The following PEMT variants were observed in gnomAD, a reference collection of about 807,000 sequenced individuals.
The protein encoded by PEMT is phosphatidylethanolamine N-methyltransferase.
A neutral mutation model predicts 27.4 loss-of-function variants in PEMT; 23 were observed. The ratio of observed to expected loss-of-function variants is 0.84; its 90% CI spans 0.60 to 1.19. The LOEUF is 1.19. PEMT is among the 50% of genes most tolerant of loss of function. PEMT has a pLI of 0.00. For synonymous variants in PEMT, 137 were observed against 139.1 expected, an observed-to-expected ratio of 0.98 and a Z score of 0.11; for missense variants, 307 against 310.1, an observed-to-expected ratio of 0.99 and a Z score of 0.07.
In PEMT at chr17:17,551,973, C is replaced by T. The variant is rs896868335; in HGVS notation, c.204+24947G>A. 2.6e-5 allele frequency among the ~76,000 whole-genome samples: 4 copies of T among 152,184 alleles called. No homozygotes were observed. In the South Asian group the frequency reaches 6.2e-4, roughly 24 times the overall value. On this transcript the variant is annotated intron_variant, in intron 2 of 6. Transcript: ENST00000255389. ...ATCCTTGCACTTTGGGAGGCCGAGG[C>T]GGGCAGATCACCTAGGTCAGGGGTT...
In PEMT at chr17:17,582,357, G is replaced by A. The variant is rs115875936; in HGVS notation, c.97-5330C>T. ...TCAGCTGTTAACACCCCAAAGCATG[G>A]GTAAGGAAGAGGCTTTATGGTAATT... On this transcript the variant is annotated intron_variant, in intron 1 of 6. Coordinates refer to ENST00000255389, the MANE Select transcript of PEMT (RefSeq NM_148172.3). The surrounding 1 kb of genome is among the most constrained non-coding windows in gnomAD (Gnocchi z 4.9). 2.0e-3 allele frequency: 2,020 copies of A among 985,454 alleles called. 36 individuals are homozygous for A. The African/African-American group carries it at 0.03, about 15-fold the overall frequency. 61.0% of individuals were successfully genotyped at this position (985,454 alleles called of 1,614,324 possible).
chr17:17,565,527 G>A lies in PEMT; in HGVS notation c.204+11393C>T, dbSNP rs530308350. ...GCCCACCTAAGTCTCACTGTGCCAC[G>A]CCTGGCAGGAAATGGGGAGGGCGGG... On this transcript the variant is annotated intron_variant, in intron 2 of 6. Transcript: ENST00000255389. Among the ~76,000 whole-genome samples, 8 of 152,342 alleles carry A rather than the reference G, an allele frequency of 5.3e-5. No homozygotes were observed. The East Asian group carries it at 1.2e-3, about 22-fold the overall frequency.
In PEMT at chr17:17,561,563, C is replaced by T. The variant is rs1165503217; in HGVS notation, c.204+15357G>A. 2.0e-5 allele frequency among the ~76,000 whole-genome samples: 3 copies of T among 152,180 alleles called. No individual in the cohort carries two copies. Among genetic ancestry groups the T allele is most frequent in the East Asian group, 3.9e-4 (2 of 5,186 alleles). ...ACGAGGGTCACTGACGCTGAGCTGG[C>T]TCCAGGCACCACCCACTCCAGGCAC... On this transcript the variant is annotated intron_variant, in intron 2 of 6. Coordinates refer to ENST00000255389, the MANE Select transcript of PEMT (RefSeq NM_148172.3). This position sits in a 1 kb window ranked among gnomAD's most constrained non-coding sequence, Gnocchi z 4.5.
In PEMT at chr17:17,582,320, C is replaced by T. The variant is rs1230491719; in HGVS notation, c.97-5293G>A. 1.7e-5 allele frequency: 17 copies of T among 985,432 alleles called. No individual in the cohort carries two copies. The highest frequency in any genetic ancestry group is 1.8e-5 in the Non-Finnish European group (15 of 829,978). The allele number at this position is 985,432 out of a possible 1,614,324, so 61.0% of individuals were successfully genotyped here. A position where few individuals can be genotyped will look rare whatever the true frequency, so the allele number is the denominator to read the frequency against. On this transcript the variant is annotated intron_variant, in intron 1 of 6. Coordinates refer to ENST00000255389, the MANE Select transcript of PEMT (RefSeq NM_148172.3). The surrounding 1 kb of genome is among the most constrained non-coding windows in gnomAD (Gnocchi z 4.9). Reference sequence around the variant, plus strand: ...GAATAGCTCGAGTCCCACAGGTCACCGACGAATAGCCTCAGCTGTTAACAC... The same window carrying T: ...GAATAGCTCGAGTCCCACAGGTCACTGACGAATAGCCTCAGCTGTTAACAC...
intron 1 of PEMT, among the ~76,000 whole-genome samples, chr17:17,583,600 TC>T (rs1157855465): frequency 3.3e-5 from 5 of 152,104 alleles, no homozygotes; most frequent in Non-Finnish European, 5.9e-5. Flanking sequence ...AGCCCAGGTT[TC>T]CCTTGAGTGG....
At position 17,561,178 on chromosome 17, in the gene PEMT, C is replaced by T. The variant is rs773009415; in HGVS notation, c.204+15742G>A. On this transcript the variant is annotated intron_variant, in intron 2 of 6. Coordinates refer to ENST00000255389, the MANE Select transcript of PEMT (RefSeq NM_148172.3). The surrounding 1 kb of genome is among the most constrained non-coding windows in gnomAD (Gnocchi z 4.5). The stretch of plus-strand genomic sequence containing the variant: ...CCGTGGGGCAGGGCCCAGAGGACAA[C>T]AGCCACTCCCAGCTCACATTTTTCA... Among the ~76,000 whole-genome samples, 4 of 152,162 alleles carry T rather than the reference C, an allele frequency of 2.6e-5. No homozygotes were observed. The highest frequency in any genetic ancestry group is 5.9e-5 in the Non-Finnish European group (4 of 68,026).
chr17:17,516,220 C>A (rs1007836236), intron 3 of PEMT, among the ~76,000 whole-genome samples: 11 of 152,180 alleles, frequency 7.2e-5, no homozygotes, highest in African/African-American at 2.7e-4. Flanking sequence ...CTCAGCTACA[C>A]GACGCTAGCC....
intron 2 of PEMT, among the ~76,000 whole-genome samples, chr17:17,535,851 G>C (rs1048735228): frequency 1.9e-4 from 29 of 152,328 alleles, no homozygotes; most frequent in Non-Finnish European, 3.5e-4. Context: ...AAAATAAAAA[G>C]TTAGAAGGCA....
At position 17,581,308 on chromosome 17, in the gene PEMT, C is replaced by T. The variant is rs146976791; in HGVS notation, c.97-4281G>A. ...AGAAAACACAGGACCTGTCAGTGAG[C>T]GCAGACCTATCTCTGGCCATACTCT... On this transcript the variant is annotated intron_variant, in intron 1 of 6. Coordinates refer to ENST00000255389, the MANE Select transcript of PEMT (RefSeq NM_148172.3). Among the ~76,000 whole-genome samples, 1,067 of 152,218 alleles carry T rather than the reference C, an allele frequency of 7.0e-3. 13 individuals carry two copies. The highest frequency in any genetic ancestry group is 0.024 in the African/African-American group (1,013 of 41,528).
At chr17:17,537,083 G>A (rs1035096772) in intron 2 of PEMT, among the ~76,000 whole-genome samples, 3 of 152,234 alleles carry the variant, frequency 2.0e-5, no homozygotes, top group African/African-American at 7.2e-5. Flanking sequence ...GGAGATTTCA[G>A]GCTGGACGAT....
intron 4 of PEMT, among the ~76,000 whole-genome samples, chr17:17,510,793 TC>T (rs1230038936): frequency 6.6e-6 from 1 of 152,078 alleles, no homozygotes; most frequent in Non-Finnish European, 1.5e-5. Flanking sequence ...GCTGAGGGGC[TC>T]CACCCACCAT....
chr17:17,515,118 C>T (rs12103822), intron 3 of PEMT, among the ~76,000 whole-genome samples: 4,450 of 152,214 alleles, frequency 0.029, 202 homozygotes, highest in African/African-American at 0.1. Context: ...TCACTCTGGA[C>T]GGAGACTCTG....
intron 2 of PEMT, among the ~76,000 whole-genome samples, chr17:17,524,897 C>T (rs1199529294): frequency 6.6e-6 from 1 of 152,154 alleles, no homozygotes; most frequent in Non-Finnish European, 1.5e-5. Flanking sequence ...ATCATGAGGT[C>T]AAGAGATCCA....
chr17:17,587,505 A>C (rs1380729854), intron 1 of PEMT, among the ~76,000 whole-genome samples: 1 of 152,116 alleles, frequency 6.6e-6, no homozygotes, highest in Non-Finnish European at 1.5e-5. Flanking sequence ...TTCCAATTCC[A>C]CACAATCTCT....
intron 5 of PEMT, 153 bp from the exon 6 acceptor site, chr17:17,506,454 T>G (rs927991431): frequency 1.7e-6 from 1 of 573,256 alleles, no homozygotes; most frequent in Non-Finnish European, 3.1e-6. Context: ...CACTGCCCCT[T>G]CCTGAGTCTG....
At chr17:17,521,070 G>A (rs909405597) in intron 3 of PEMT, among the ~76,000 whole-genome samples, 13 of 152,242 alleles carry the variant, frequency 8.5e-5, no homozygotes, top group South Asian at 2.1e-4. Context: ...CTGGTCCGAC[G>A]GAGATGGGGC....
In PEMT at chr17:17,512,534, T is replaced by G. The variant is rs762817164; in HGVS notation, c.441A>C (p.Ala147=). Residue 147 remains alanine, a synonymous_variant, in exon 4 of 7, where the codon GCA becomes GCC. Transcript: ENST00000255389. This position sits in a 1 kb window ranked among gnomAD's most constrained non-coding sequence, Gnocchi z 6.3. ...GVVLVLSSFF[A]LGFAGTFLGD... ...CTAGGAAAGTTCCAGCGAACCCCAG[T>G]GCAAAGAAGCTGGAGAGCACGAGCA... is the stretch of plus-strand genomic sequence containing the variant. The G allele has an allele frequency of 6.2e-7, 1 of 1,605,788 alleles. No individual in the cohort carries two copies. The highest frequency in any genetic ancestry group is 1.7e-5 in the Admixed American group (1 of 59,364).
chr17:17,586,735 G>A (rs916239795), intron 1 of PEMT, among the ~76,000 whole-genome samples: 18 of 152,158 alleles, frequency 1.2e-4, no homozygotes, highest in African/African-American at 4.3e-4. Flanking sequence ...GGGCGCAGTG[G>A]CTCATGCCTA....
At chr17:17,553,558 C>T (rs568876893) in intron 2 of PEMT, among the ~76,000 whole-genome samples, 1 of 152,214 alleles carries the variant, frequency 6.6e-6, no homozygotes, top group African/African-American at 2.4e-5. Context: ...CCCAACTCTG[C>T]ACTTTTTAAG....
Sources: gnomAD v4.1 joint callset for allele counts (sites outside exome capture counted in the v4.1 genomes callset) on GRCh38, gnomAD v4.1.1 for gene constraint, Gnocchi (gnomAD v3.1) non-coding constraint, MANE v1.5 for transcripts, NCBI Gene and HGNC (gene_info 2026-07-23, HGNC 2026-07-21) for gene names.